NALF1: variants seen among roughly 807,000 people sequenced by gnomAD.
The protein encoded by NALF1 is NALCN channel auxiliary factor 1, also known as family with sequence similarity 155 member A.
Under a neutral mutation model 48.4 loss-of-function variants are expected in NALF1, and 3 were observed. The observed-to-expected ratio is 0.06, with a 90% CI of 0.03 to 0.16. NALF1 has a LOEUF of 0.16. Among genes scored for constraint, NALF1 ranks in the 10% least tolerant of loss-of-function variants. NALF1 has a pLI of 1.00. For synonymous variants in NALF1, 262 were observed against 245.7 expected, an observed-to-expected ratio of 1.07 and a Z score of -0.62; for missense variants, 526 against 571.5, an observed-to-expected ratio of 0.92 and a Z score of 0.81.
At chr13:107,322,241 C>G (rs879909744) in intron 1 of NALF1, among the ~76,000 whole-genome samples, 1 of 152,124 alleles carries the variant, frequency 6.6e-6, no homozygotes, top group Non-Finnish European at 1.5e-5. Context: ...TTAAACAGCT[C>G]TATGCTCACC....
At position 107,523,656 on chromosome 13, in the gene NALF1, G is replaced by A. The variant is rs1452971159; in HGVS notation, c.916-312901C>T. ...AGGAGAGATTGCCTTCTTAAGGGTGGCTGCTCTTAGTTTTCAAGTCTTGGT... is the reference window on the plus strand; with the variant it reads ...AGGAGAGATTGCCTTCTTAAGGGTGACTGCTCTTAGTTTTCAAGTCTTGGT... On this transcript the variant is annotated intron_variant, in intron 1 of 2. Coordinates refer to ENST00000375915, the MANE Select transcript of NALF1 (RefSeq NM_001080396.3). Among the ~76,000 whole-genome samples, 7 of 151,866 alleles carry A rather than the reference G, an allele frequency of 4.6e-5. No homozygotes were observed. In the South Asian group the frequency reaches 6.3e-4, roughly 14 times the overall value.
chr13:107,467,938 C>T (rs1594078766), intron 1 of NALF1, among the ~76,000 whole-genome samples: 2 of 151,842 alleles, frequency 1.3e-5, no homozygotes, highest in South Asian at 4.2e-4. Context: ...GTCCCAGCTA[C>T]TCGGGAGGCT....
intron 1 of NALF1, among the ~76,000 whole-genome samples, chr13:107,495,505 C>T (rs1440697109): frequency 6.6e-6 from 1 of 152,184 alleles, no homozygotes; most frequent in Non-Finnish European, 1.5e-5. Context: ...AAATTCCATA[C>T]AGACTATACA....
chr13:107,607,775 A>G (rs376429449), intron 1 of NALF1, among the ~76,000 whole-genome samples: 203 of 152,232 alleles, frequency 1.3e-3, no homozygotes, highest in African/African-American at 4.6e-3. Flanking sequence ...CTTACTTATC[A>G]TTTCTTTCAA....
At chr13:107,533,486 C>T (rs1392914523) in intron 1 of NALF1, among the ~76,000 whole-genome samples, 2 of 152,100 alleles carry the variant, frequency 1.3e-5, no homozygotes, top group African/African-American at 4.8e-5. Context: ...CCTCATCCAA[C>T]AACCGAACAT....
At chr13:107,306,221 A>C (rs762505838) in intron 1 of NALF1, among the ~76,000 whole-genome samples, 5 of 152,160 alleles carry the variant, frequency 3.3e-5, no homozygotes, top group Non-Finnish European at 5.9e-5. Context: ...GACAGACAAA[A>C]ACGACAAAAA....
At chr13:107,813,918 T>G (rs1054128397) in intron 1 of NALF1, among the ~76,000 whole-genome samples, 2 of 152,156 alleles carry the variant, frequency 1.3e-5, no homozygotes, top group African/African-American at 2.4e-5. Flanking sequence ...ACTATTCTAG[T>G]TGGATTTTAG....
At chr13:107,174,727 C>T (rs1878881741) in intron 2 of NALF1, among the ~76,000 whole-genome samples, 1 of 151,784 alleles carries the variant, frequency 6.6e-6, no homozygotes, top group South Asian at 2.1e-4. Context: ...CAATATCCAT[C>T]CAGGAAGCAG....
chr13:107,334,805 A>G (rs1165965064), intron 1 of NALF1, among the ~76,000 whole-genome samples: 2 of 152,202 alleles, frequency 1.3e-5, no homozygotes, highest in Admixed American at 6.5e-5. Context: ...ACACATGACT[A>G]AGGAACACAG....
chr13:107,221,793 C>T (rs1879999648), intron 1 of NALF1, among the ~76,000 whole-genome samples: 1 of 151,994 alleles, frequency 6.6e-6, no homozygotes, highest in African/African-American at 2.4e-5. Flanking sequence ...CCCTACACCC[C>T]GCCACCCCAC....
intron 1 of NALF1, among the ~76,000 whole-genome samples, chr13:107,241,016 C>T (rs910995537): frequency 4.9e-5 from 7 of 142,526 alleles, no homozygotes; most frequent in African/African-American, 1.9e-4. Context: ...GAGTTTGAGA[C>T]CAGCCTGGCC....
At chr13:107,236,622 T>C (rs528541148) in intron 1 of NALF1, among the ~76,000 whole-genome samples, 1 of 152,274 alleles carries the variant, frequency 6.6e-6, no homozygotes, top group Admixed American at 6.5e-5. Flanking sequence ...GAATCTCATC[T>C]CCCTGTTTGG....
intron 1 of NALF1, among the ~76,000 whole-genome samples, chr13:107,222,017 C>A (rs943699012): frequency 6.6e-6 from 1 of 152,100 alleles, no homozygotes; most frequent in Non-Finnish European, 1.5e-5. Flanking sequence ...CTGTTATGTG[C>A]GTTTTGCTTT....
chr13:107,802,024 G>A (rs572888186), intron 1 of NALF1, among the ~76,000 whole-genome samples: 1 of 152,242 alleles, frequency 6.6e-6, no homozygotes, highest in African/African-American at 2.4e-5. Flanking sequence ...AGAAAGAAAC[G>A]TGTGAAACCT....
chr13:107,644,740 C>T (rs1362297021), intron 1 of NALF1, among the ~76,000 whole-genome samples: 1 of 149,306 alleles, frequency 6.7e-6, no homozygotes. Flanking sequence ...AAAACATGGT[C>T]TTAAACATAT....
At chr13:107,218,630 A>C (rs1879927830) in intron 1 of NALF1, among the ~76,000 whole-genome samples, 1 of 152,186 alleles carries the variant, frequency 6.6e-6, no homozygotes, top group Non-Finnish European at 1.5e-5. Context: ...CAAAACAAAC[A>C]AACAAACAAA....
intron 1 of NALF1, among the ~76,000 whole-genome samples, chr13:107,743,172 A>G (rs1876686406): frequency 6.6e-6 from 1 of 152,224 alleles, no homozygotes; most frequent in Non-Finnish European, 1.5e-5. Context: ...AGGAGGTCTT[A>G]CAGAGATTCC....
At chr13:107,431,848 C>G (rs1884387215) in intron 1 of NALF1, among the ~76,000 whole-genome samples, 1 of 152,084 alleles carries the variant, frequency 6.6e-6, no homozygotes, top group South Asian at 2.1e-4. Context: ...TAAAGTGCAT[C>G]TAGAATGGCA....
intron 1 of NALF1, among the ~76,000 whole-genome samples, chr13:107,220,710 C>T (rs1371852960): frequency 1.3e-5 from 2 of 152,120 alleles, no homozygotes; most frequent in Admixed American, 6.6e-5. Context: ...AGATGAATCC[C>T]ACTGTGAATG....
Sources: allele counts gnomAD v4.1 joint callset (sites outside exome capture counted in the v4.1 genomes callset), GRCh38; gene constraint gnomAD v4.1.1; transcripts MANE v1.5; gene names NCBI Gene and HGNC (gene_info 2026-07-23, HGNC 2026-07-21).